Variants in HERC4 observed in about 807,000 individuals in gnomAD.
The protein encoded by HERC4 is probable E3 ubiquitin-protein ligase HERC4.
Under a neutral mutation model 124.3 loss-of-function variants are expected in HERC4, and 28 were observed. That is an observed-to-expected ratio of 0.23 (90% CI 0.17 to 0.31). The LOEUF (loss-of-function observed/expected upper bound fraction) is 0.31. Among genes scored for constraint, HERC4 ranks in the 10% least tolerant of loss-of-function variants. HERC4 has a pLI of 1.00. For missense variants in HERC4, 713 were observed against 1,229.3 expected (o/e 0.58, Z 6.28); for synonymous variants, 407 against 421.5 (o/e 0.97, Z 0.42).
In HERC4 at chr10:68,034,177, A is replaced by G. The variant is rs2039344517; in HGVS notation, c.473T>C (p.Val158Ala). 6.2e-7 allele frequency: 1 copy of G among 1,610,906 alleles called. No individual in the cohort carries two copies. The highest frequency in any genetic ancestry group is 8.5e-7 in the Non-Finnish European group (1 of 1,177,666). Residue 158 changes from valine (V) to alanine (A), a missense_variant, in exon 6 of 25, where the codon GTC (valine) becomes GCC (alanine). By Grantham distance (64) the Val-to-Ala change is moderately conservative. Transcript: ENST00000373700. ...HSLALSKASE[V>A]FCWGQNKYGQ... Reference sequence around the variant, plus strand: ...ATATTTATTCTGTCCCCAACAGAAGACTTCACTTGCTGTAAAACAGTAATG... The same window carrying G: ...ATATTTATTCTGTCCCCAACAGAAGGCTTCACTTGCTGTAAAACAGTAATG...
intron 7 of HERC4, among the ~76,000 whole-genome samples, chr10:68,027,996 A>G (rs191415503): frequency 1.4e-5 from 2 of 147,374 alleles, no homozygotes; most frequent in Admixed American, 6.8e-5. Context: ...TTAATTATAT[A>G]TATATATATA....
intron 4 of HERC4, chr10:68,039,787 G>T: frequency 8.7e-7 from 1 of 1,155,200 alleles, no homozygotes; most frequent in Non-Finnish European, 1.1e-6. Flanking sequence ...AACATTTACT[G>T]TTATTGTTTA....
chr10:68,010,833 C>T, intron 9 of HERC4: 2 of 1,532,108 alleles, frequency 1.3e-6, no homozygotes, highest in Non-Finnish European at 9.0e-7. Flanking sequence ...AGGAGCTTGG[C>T]AAATTGCTCA....
At chr10:68,034,797 GA>G (rs2039372373) in intron 5 of HERC4, among the ~76,000 whole-genome samples, 1 of 151,566 alleles carries the variant, frequency 6.6e-6, no homozygotes, top group South Asian at 2.1e-4. Flanking sequence ...TAAACCTAGG[GA>G]GTCTTCCTTA....
At chr10:67,991,976 G>A (rs1293120817) in intron 11 of HERC4, among the ~76,000 whole-genome samples, 9 of 152,018 alleles carry the variant, frequency 5.9e-5, no homozygotes, top group Admixed American at 5.9e-4. Flanking sequence ...TCAGCTCACT[G>A]CAGCCTCGAC....
At chr10:68,012,336 T>G (rs1392038813) in intron 9 of HERC4, among the ~76,000 whole-genome samples, 1 of 152,230 alleles carries the variant, frequency 6.6e-6, no homozygotes, top group Admixed American at 6.5e-5. Context: ...TGTCTGGGCT[T>G]TTGATATGCC....
intron 3 of HERC4, among the ~76,000 whole-genome samples, chr10:68,054,366 T>TTTG (rs2040453536): frequency 6.6e-6 from 1 of 151,930 alleles, no homozygotes; most frequent in South Asian, 2.1e-4. Context: ...TTTTTTTTTT[T>TTTG]TCAGACCGAG....
chr10:68,064,205 C>T lies in HERC4; in HGVS notation c.226+8678G>A, dbSNP rs567185381. 2.3e-4 allele frequency among the ~76,000 whole-genome samples: 35 copies of T among 152,270 alleles called. 1 individual carries two copies. Among genetic ancestry groups the T allele is most frequent in the African/African-American group, 8.2e-4 (34 of 41,550 alleles). ...CGTGAGCCGAGATCATGCCACTGCA[C>T]TCCAGCCTGGGCGACAGAACAAAAC... On this transcript the variant is annotated intron_variant, in intron 3 of 24. Coordinates refer to ENST00000373700, the MANE Select transcript of HERC4 (RefSeq NM_015601.4).
intron 8 of HERC4, among the ~76,000 whole-genome samples, chr10:68,019,520 G>A (rs1471325283): frequency 4.6e-5 from 7 of 152,008 alleles, no homozygotes; most frequent in Non-Finnish European, 1.0e-4. Context: ...AGCTAGACAG[G>A]GGGATTCTTG....
At chr10:68,024,056 T>A (rs994746180) in intron 8 of HERC4, among the ~76,000 whole-genome samples, 7 of 152,114 alleles carry the variant, frequency 4.6e-5, no homozygotes, top group African/African-American at 1.7e-4. Context: ...CTGTAAAACA[T>A]ATGCCCAATA....
In HERC4 at chr10:67,990,205, T is replaced by A; in HGVS notation, c.1633+6A>T. ...GTTTCAAAAGAAAAAATATTAGAAT[T>A]CTTACCAAGTACTTTCAGTGGTGCC... On this transcript the variant is annotated splice_donor_region_variant and intron_variant, in intron 14 of 24. Coordinates refer to ENST00000373700, the MANE Select transcript of HERC4 (RefSeq NM_015601.4). 6.3e-7 allele frequency: 1 copy of A among 1,579,470 alleles called. No individual in the cohort carries two copies. Among genetic ancestry groups the A allele is most frequent in the Non-Finnish European group, 8.6e-7 (1 of 1,166,768 alleles).
At chr10:67,998,858 C>T (rs570990608) in intron 9 of HERC4, among the ~76,000 whole-genome samples, 1 of 152,172 alleles carries the variant, frequency 6.6e-6, no homozygotes, top group African/African-American at 2.4e-5. Flanking sequence ...CCTGCCTCAG[C>T]CCCAACGAGC....
rs557518320 is a variant in HERC4, at chr10:68,075,274, G to A, written c.-239C>T. ...GAGCACCAGGGGTGGGGAGAGTTGG[G>A]GAAGAGACTGGGTAGGAGAAGGCAG... On this transcript the variant is annotated 5_prime_UTR_variant, in exon 1 of 25. Coordinates refer to ENST00000373700, the MANE Select transcript of HERC4 (RefSeq NM_015601.4). The A allele has an allele frequency of 1.2e-3, 190 of 152,904 alleles. 1 individual carries two copies. Among genetic ancestry groups the A allele is most frequent in the Middle Eastern group, 0.01 (3 of 300 alleles). The allele number at this position is 152,904 out of a possible 1,614,324, so 9.5% of individuals were successfully genotyped here.
intron 21 of HERC4, among the ~76,000 whole-genome samples, 176 bp from the exon 22 acceptor site, chr10:67,936,411 T>TAC (rs2032366117): frequency 6.6e-6 from 1 of 152,228 alleles, no homozygotes; most frequent in South Asian, 2.1e-4. Flanking sequence ...AGAAATTTGG[T>TAC]ACTCTCTAGT....
intron 8 of HERC4, among the ~76,000 whole-genome samples, chr10:68,023,568 T>C (rs574085307): frequency 1.1e-4 from 16 of 152,238 alleles, no homozygotes; most frequent in African/African-American, 2.9e-4. Context: ...TAGGGAGTCA[T>C]TGTTTAATGG....
At chr10:68,067,647 G>A (rs1308386745) in intron 3 of HERC4, 1 of 152,122 alleles carries the variant, frequency 6.6e-6, no homozygotes, top group Non-Finnish European at 1.5e-5. Flanking sequence ...GAACAGGTCA[G>A]AAAAATGAAG....
intron 4 of HERC4, 58 bp downstream of exon 4, chr10:68,044,346 G>C (rs2039914690): frequency 2.0e-6 from 3 of 1,522,898 alleles, no homozygotes; most frequent in Non-Finnish European, 1.8e-6. Context: ...GAACAATTTA[G>C]ATTAACAAAT....
At chr10:67,992,881 C>T (rs1301999929) in intron 9 of HERC4, 199 bp from the exon 10 acceptor site, 3 of 423,026 alleles carry the variant, frequency 7.1e-6, no homozygotes, top group Non-Finnish European at 1.3e-5. Flanking sequence ...AACGATCCCA[C>T]AAGCATAAGC....
At chr10:68,058,074 T>C (rs1166392844) in intron 3 of HERC4, among the ~76,000 whole-genome samples, 5 of 151,448 alleles carry the variant, frequency 3.3e-5, no homozygotes, top group Non-Finnish European at 7.4e-5. Context: ...CGTATGTGCT[T>C]CTCACAAGAA....
Sources: allele counts gnomAD v4.1 joint callset (sites outside exome capture counted in the v4.1 genomes callset), GRCh38; gene constraint gnomAD v4.1.1; transcripts MANE v1.5; gene names NCBI Gene and HGNC (gene_info 2026-07-23, HGNC 2026-07-21).